Variants in TSPAN9 observed in about 807,000 individuals in gnomAD.
The protein encoded by TSPAN9 is tetraspanin 9.
Under a neutral mutation model 31.0 loss-of-function variants are expected in TSPAN9, and 16 were observed. The ratio of observed to expected loss-of-function variants is 0.52; its 90% CI spans 0.35 to 0.78. TSPAN9 has a LOEUF of 0.78. Among genes scored for constraint, TSPAN9 ranks in the 30% least tolerant of loss-of-function variants. The pLI is 0.01. For missense variants in TSPAN9, 272 were observed against 312.5 expected (o/e 0.87, Z 0.98); for synonymous variants, 145 against 121.6 (o/e 1.19, Z -1.27).
intron 2 of TSPAN9, among the ~76,000 whole-genome samples, chr12:3,142,315 T>TCCTCTGTCTGGGGACCCCTCCTCCTTTC: frequency 6.6e-6 from 1 of 152,282 alleles, no homozygotes; most frequent in African/African-American, 2.4e-5. Flanking sequence ...TTTCCCCTTT[T>TCCTCTGTCTGGGGACCCCTCCTCCTTTC]TCTCTGTCTG....
At chr12:3,194,482 G>T (rs978129929) in intron 2 of TSPAN9, among the ~76,000 whole-genome samples, 3 of 152,240 alleles carry the variant, frequency 2.0e-5, no homozygotes, top group Admixed American at 2.0e-4. Flanking sequence ...GACCTCCCGG[G>T]TTCAAGTGAT....
At chr12:3,146,141 C>A (rs554544688) in intron 2 of TSPAN9, among the ~76,000 whole-genome samples, 1 of 152,226 alleles carries the variant, frequency 6.6e-6, no homozygotes. Flanking sequence ...TTGGGCCAGG[C>A]GATCTTTGAG....
chr12:3,119,348 C>A (rs1230343244), intron 2 of TSPAN9, among the ~76,000 whole-genome samples: 1 of 152,148 alleles, frequency 6.6e-6, no homozygotes, highest in Non-Finnish European at 1.5e-5. Context: ...CAGGGTCATC[C>A]AGTTTGGATG....
intron 3 of TSPAN9, among the ~76,000 whole-genome samples, chr12:3,256,746 G>T (rs117855192): frequency 6.6e-6 from 1 of 152,086 alleles, no homozygotes; most frequent in South Asian, 2.1e-4. Context: ...CGACTATTTC[G>T]CATTGCCTAC....
intron 2 of TSPAN9, among the ~76,000 whole-genome samples, chr12:3,164,174 TC>T (rs1410272351): frequency 5.3e-5 from 8 of 152,224 alleles, no homozygotes; most frequent in African/African-American, 1.4e-4. Flanking sequence ...AGATGAGCTT[TC>T]TCTTTCCTAA....
intron 2 of TSPAN9, among the ~76,000 whole-genome samples, chr12:3,150,440 G>A (rs1338417718): frequency 6.6e-6 from 1 of 152,134 alleles, no homozygotes; most frequent in Non-Finnish European, 1.5e-5. Flanking sequence ...CTCTGCAGGT[G>A]GCAGGCAGAC....
At chr12:3,091,761 T>C (rs773392375) in intron 2 of TSPAN9, among the ~76,000 whole-genome samples, 1 of 152,220 alleles carries the variant, frequency 6.6e-6, no homozygotes, top group Non-Finnish European at 1.5e-5. Context: ...AAATGTTTTG[T>C]AGCTGAAAAA....
intron 2 of TSPAN9, among the ~76,000 whole-genome samples, chr12:3,131,772 T>C (rs1190433257): frequency 1.3e-5 from 2 of 152,222 alleles, no homozygotes; most frequent in Non-Finnish European, 2.9e-5. Context: ...TTTTTTCTTG[T>C]GGTAAAATAC....
At chr12:3,141,089 G>T (rs673461) in intron 2 of TSPAN9, among the ~76,000 whole-genome samples, 1 of 151,032 alleles carries the variant, frequency 6.6e-6, no homozygotes, top group Non-Finnish European at 1.5e-5. Flanking sequence ...GAGGACCACG[G>T]GGCTTTGAGG....
intron 2 of TSPAN9, among the ~76,000 whole-genome samples, chr12:3,101,355 C>T (rs1054625275): frequency 6.6e-6 from 1 of 152,168 alleles, no homozygotes; most frequent in Admixed American, 6.5e-5. Flanking sequence ...CTCCCTGTTG[C>T]TGCTGGGATT....
intron 2 of TSPAN9, among the ~76,000 whole-genome samples, chr12:3,132,568 C>T (rs1353222662): frequency 1.3e-5 from 2 of 152,056 alleles, no homozygotes; most frequent in Non-Finnish European, 2.9e-5. Context: ...TTCTCCTGAC[C>T]CGGTTTGAGT....
At chr12:3,128,880 C>G (rs776208233) in intron 2 of TSPAN9, among the ~76,000 whole-genome samples, 22 of 152,192 alleles carry the variant, frequency 1.4e-4, no homozygotes, top group Non-Finnish European at 2.8e-4. Flanking sequence ...ACTTTTTCAT[C>G]ATCCCACACT....
intron 2 of TSPAN9, among the ~76,000 whole-genome samples, chr12:3,162,961 T>C (rs1385749503): frequency 6.6e-6 from 1 of 152,180 alleles, no homozygotes; most frequent in Non-Finnish European, 1.5e-5. Flanking sequence ...TTCCTCCCAC[T>C]GTGGACAGCA....
At chr12:3,226,652 ATGTGTGTGTGTGTGTG>A (rs59811095) in intron 3 of TSPAN9, among the ~76,000 whole-genome samples, 1,043 of 95,532 alleles carry the variant, frequency 0.011, 61 homozygotes, top group African/African-American at 0.016. Flanking sequence ...TTTTATATAT[ATGTGTGTGTGTGTGTG>A]TGTGTGTGTG....
intron 2 of TSPAN9, among the ~76,000 whole-genome samples, chr12:3,085,347 G>A (rs939878306): frequency 6.6e-6 from 1 of 151,862 alleles, no homozygotes; most frequent in Non-Finnish European, 1.5e-5. Flanking sequence ...GGCTCCCCAG[G>A]AGGCCTGTAT....
chr12:3,209,249 A>G (rs1565614578), intron 3 of TSPAN9, among the ~76,000 whole-genome samples: 1 of 146,048 alleles, frequency 6.8e-6, no homozygotes, highest in African/African-American at 2.5e-5. Context: ...AAAAAAAAAA[A>G]TAAAAAACTA....
chr12:3,271,806 G>A lies in TSPAN9; in HGVS notation c.64-6615G>A, dbSNP rs535638812. Among the ~76,000 whole-genome samples, 11 of 152,256 alleles carry A rather than the reference G, an allele frequency of 7.2e-5. No homozygotes were observed. In the South Asian group the frequency reaches 2.1e-3, roughly 29 times the overall value. ...CTGTGAGAATGAATGAGCTGCGGGG[G>A]CCCTTGGAGGCAAGGGGTGTCTGAA... On this transcript the variant is annotated intron_variant, in intron 3 of 8. Coordinates refer to ENST00000011898, the MANE Select transcript of TSPAN9 (RefSeq NM_006675.5).
chr12:3,136,407 A>G (rs1191538616), intron 2 of TSPAN9, among the ~76,000 whole-genome samples: 2 of 152,086 alleles, frequency 1.3e-5, no homozygotes, highest in Non-Finnish European at 2.9e-5. Context: ...CTCTTCCTCA[A>G]ATGCCTTGTC....
intron 2 of TSPAN9, among the ~76,000 whole-genome samples, chr12:3,194,200 A>G (rs2098365964): frequency 6.6e-6 from 1 of 152,174 alleles, no homozygotes; most frequent in Non-Finnish European, 1.5e-5. Flanking sequence ...TGACCCAGAC[A>G]CAGCCTCTGC....
Sources: allele counts gnomAD v4.1 joint callset (sites outside exome capture counted in the v4.1 genomes callset), GRCh38; gene constraint gnomAD v4.1.1; transcripts MANE v1.5; gene names NCBI Gene and HGNC (gene_info 2026-07-23, HGNC 2026-07-21).